VDR: variants seen among roughly 807,000 people sequenced by gnomAD.
VDR encodes the protein vitamin D3 receptor.
A neutral mutation model predicts 39.7 loss-of-function variants in VDR; 19 were observed. The ratio of observed to expected loss-of-function variants is 0.48; its 90% confidence interval spans 0.33 to 0.70. The LOEUF is 0.70. VDR is among the 30% of genes least tolerant of loss of function. The probability of loss-of-function intolerance (pLI) is 0.02; values close to 1 mark genes in which losing one functional copy is unlikely to be tolerated. For synonymous variants in VDR, 242 were observed against 215.8 expected (o/e 1.12, Z -1.07); for missense variants, 442 against 570.5 (o/e 0.77, Z 2.29).
chr12:47,849,165 A>G (rs148058386), intron 7 of VDR, among the ~76,000 whole-genome samples: 108 of 152,294 alleles, frequency 7.1e-4, no homozygotes, highest in African/African-American at 2.6e-3. Flanking sequence ...CACCCCGTCA[A>G]TGGCTGCATG....
chr12:47,873,653 G>A (rs555915554), intron 3 of VDR, among the ~76,000 whole-genome samples: 32 of 152,196 alleles, frequency 2.1e-4, no homozygotes, highest in African/African-American at 6.3e-4. Context: ...GAGCCACCGC[G>A]CCCGGCCACC....
In VDR at chr12:47,844,953, C is replaced by T. The variant is rs1339360533; in HGVS notation, c.1077G>A (p.Leu359=). ...GGATGTACGTCTGCAGTGTGTTGGA[C>T]AGGCGGTCCTGGATGGCCTCAATCA... is the stretch of plus-strand genomic sequence containing the variant. ...AALIEAIQDR[L]SNTLQTYIRC... is the part of the protein sequence containing the mutation. Residue 359 remains leucine, a synonymous_variant, in exon 10 of 10, where the codon CTG becomes CTA. Transcript: ENST00000549336. 5.0e-6 allele frequency: 8 copies of T among 1,613,900 alleles called. No individual in the cohort carries two copies. The Admixed American group carries it at 1.3e-4, about 27-fold the overall frequency.
At chr12:47,874,514 C>G (rs1158977140) in intron 3 of VDR, among the ~76,000 whole-genome samples, 1 of 152,154 alleles carries the variant, frequency 6.6e-6, no homozygotes, top group East Asian at 1.9e-4. Context: ...ACCTTTTGCC[C>G]CCTGCACTCC....
At chr12:47,897,949 T>G (rs1213187884) in intron 1 of VDR, among the ~76,000 whole-genome samples, 1 of 152,204 alleles carries the variant, frequency 6.6e-6, no homozygotes, top group Non-Finnish European at 1.5e-5. Context: ...TTCTTATACT[T>G]CCATGTCCTT....
At chr12:47,869,187 G>A (rs1945797844) in intron 3 of VDR, among the ~76,000 whole-genome samples, 1 of 152,204 alleles carries the variant, frequency 6.6e-6, no homozygotes, top group African/African-American at 2.4e-5. Context: ...ATACGCAGGA[G>A]GGTTGGAGAT....
chr12:47,882,262 A>G (rs1325061509), intron 2 of VDR, among the ~76,000 whole-genome samples: 2 of 152,006 alleles, frequency 1.3e-5, no homozygotes, highest in African/African-American at 4.8e-5. Flanking sequence ...AGAAGACCCA[A>G]CCCTGCTTGA....
In VDR at chr12:47,879,061, C is replaced by G. The variant is rs115085431; in HGVS notation, c.53G>C (p.Arg18Pro). 1.2e-6 allele frequency: 2 copies of G among 1,614,046 alleles called. No individual in the cohort carries two copies. The highest frequency in any genetic ancestry group is 2.2e-5 in the East Asian group (1 of 44,896). Residue 18 changes from arginine to proline, a missense_variant, in exon 3 of 10, where the codon CGG becomes CCG. Around this residue, in one of 5 missense-constraint regions of VDR, gnomAD observed 141 missense variants for 141.3 expected, o/e 1.00. Coordinates refer to ENST00000549336, the MANE Select transcript of VDR (RefSeq NM_000376.3). Reference sequence around the variant, plus strand: ...CACCCCACAGATCCGGGGCACGTTCCGGTCAAAGTCTCCAGGGTCAGGCAG... The same window carrying G: ...CACCCCACAGATCCGGGGCACGTTCGGGTCAAAGTCTCCAGGGTCAGGCAG... The part of the protein sequence containing the change: ...TSLPDPGDFD[R>P]NVPRICGVCG...
chr12:47,892,746 C>T (rs182554231), intron 1 of VDR, among the ~76,000 whole-genome samples: 14 of 152,242 alleles, frequency 9.2e-5, no homozygotes, highest in Admixed American at 7.8e-4. Context: ...AAACAGGAAC[C>T]TCCAATTCAG....
At chr12:47,861,807 A>T (rs2137158288) in intron 4 of VDR, among the ~76,000 whole-genome samples, 1 of 152,356 alleles carries the variant, frequency 6.6e-6, no homozygotes, top group East Asian at 1.9e-4. Context: ...CCCATGCAAG[A>T]CATGTTCTCT....
In VDR at chr12:47,857,504, C is replaced by G. The variant is rs767242636; in HGVS notation, c.462G>C (p.Arg154=). 1.9e-6 allele frequency: 3 copies of G among 1,614,176 alleles called. No homozygotes were observed. The highest frequency in any genetic ancestry group is 2.5e-6 in the Non-Finnish European group (3 of 1,180,044). ...TCATCCTCCCAGCAGGCAGACATAC[C>G]CGGAACTGGCAGAAGTCGGAGTAGG... ...DPTYSDFCQF[R]PPVRVNDGGG... is the part of the protein sequence containing the mutation. Residue 154 remains arginine (R), a splice_region_variant and synonymous_variant, in exon 5 of 10, where the codon CGG becomes CGC. Transcript: ENST00000549336.
At position 47,846,407 on chromosome 12, in the gene VDR, C is replaced by T. The variant is rs1945280681; in HGVS notation, c.952G>A (p.Val318Met). Residue 318 changes from valine (V) to methionine (M), a missense_variant, in exon 9 of 10, where the codon GTG (valine) becomes ATG (methionine). Physicochemically the swap from Val to Met is conservative, Grantham distance 21. Around this residue, in one of 5 missense-constraint regions of VDR, gnomAD observed 173 missense variants for 252.0 expected, o/e 0.69. Transcript: ENST00000549336. ...TGCAAGTTCAGCTTCTTCAGTCCCACCTGGAACTTGATGAGGGGCTCAATC... is the reference window on the plus strand; with the variant it reads ...TGCAAGTTCAGCTTCTTCAGTCCCATCTGGAACTTGATGAGGGGCTCAATC... ...ELIEPLIKFQVGLKKLNLHEE... is the reference protein window; with the variant it reads ...ELIEPLIKFQMGLKKLNLHEE... 1 of 1,578,558 alleles carries T rather than the reference C, an allele frequency of 6.3e-7. No individual in the cohort carries two copies.
intron 7 of VDR, among the ~76,000 whole-genome samples, chr12:47,851,081 C>T (rs753401728): frequency 1.3e-5 from 2 of 152,006 alleles, no homozygotes; most frequent in Non-Finnish European, 2.9e-5. Context: ...GGGCACAGCA[C>T]GAAGGAAGCA....
chr12:47,851,010 C>T (rs1006231376), intron 7 of VDR, among the ~76,000 whole-genome samples: 4 of 152,146 alleles, frequency 2.6e-5, no homozygotes, highest in African/African-American at 7.2e-5. Context: ...CAACTTTTGT[C>T]CCTCACAGTT....
At chr12:47,894,729 G>A (rs1946434770) in intron 1 of VDR, among the ~76,000 whole-genome samples, 2 of 152,236 alleles carry the variant, frequency 1.3e-5, no homozygotes, top group Non-Finnish European at 2.9e-5. Flanking sequence ...TGACAGGCAG[G>A]GTGGGGCGGG....
chr12:47,875,682 A>G (rs1945985433), intron 3 of VDR, among the ~76,000 whole-genome samples: 1 of 152,228 alleles, frequency 6.6e-6, no homozygotes, highest in Non-Finnish European at 1.5e-5. Flanking sequence ...GTCTATAGTC[A>G]CTGTGGACAC....
At chr12:47,860,653 T>C (rs192592813) in intron 4 of VDR, among the ~76,000 whole-genome samples, 2 of 152,340 alleles carry the variant, frequency 1.3e-5, no homozygotes, top group African/African-American at 4.8e-5. Flanking sequence ...GCCTCAGAGT[T>C]GTCAGAGGCT....
intron 1 of VDR, among the ~76,000 whole-genome samples, chr12:47,903,697 A>C (rs1592162588): frequency 6.6e-6 from 1 of 151,910 alleles, no homozygotes; most frequent in Admixed American, 6.6e-5. Flanking sequence ...TCTTTTGCTC[A>C]CCCCCTTCAC....
At chr12:47,854,507 A>G (rs763387765) in intron 7 of VDR, among the ~76,000 whole-genome samples, 23 of 152,356 alleles carry the variant, frequency 1.5e-4, no homozygotes, top group South Asian at 6.2e-4. Context: ...CAGGATTCCT[A>G]GACTGTTTCA....
intron 3 of VDR, among the ~76,000 whole-genome samples, chr12:47,871,358 C>CTTTTCTTT (rs1555153491): frequency 8.9e-6 from 1 of 112,918 alleles, no homozygotes; most frequent in African/African-American, 3.3e-5. Flanking sequence ...TTCTTTCTTT[C>CTTTTCTTT]CTTTCTCTCT....
Sources: gnomAD v4.1 joint callset for allele counts (sites outside exome capture counted in the v4.1 genomes callset) on GRCh38, gnomAD v4.1.1 for gene constraint, gnomAD v4.1.1 regional missense constraint, MANE v1.5 for transcripts, NCBI Gene and HGNC (gene_info 2026-07-23, HGNC 2026-07-21) for gene names.